Variants in MALT1 observed in about 807,000 individuals in gnomAD.
MALT1 encodes mucosa-associated lymphoid tissue lymphoma translocation protein 1.
Under a neutral mutation model 85.5 loss-of-function variants are expected in MALT1, and 36 were observed. The observed-to-expected ratio is 0.42, with a 90% CI of 0.32 to 0.56. MALT1 has a LOEUF of 0.56. Among genes scored for constraint, MALT1 ranks in the 20% least tolerant of loss-of-function variants. MALT1 has a pLI of 0.10. For synonymous variants in MALT1, 359 were observed against 361.3 expected (o/e 0.99, Z 0.07); for missense variants, 716 against 981.6 (o/e 0.73, Z 3.62).
intron 1 of MALT1, among the ~76,000 whole-genome samples, chr18:58,674,749 A>C (rs2054215967): frequency 6.6e-6 from 1 of 152,124 alleles, no homozygotes; most frequent in Non-Finnish European, 1.5e-5. Flanking sequence ...TTATAGTGTG[A>C]GTGTCTAGTC....
In MALT1 at chr18:58,720,016, G is replaced by A. The variant is rs1252121968; in HGVS notation, c.1019-3032G>A. ...ACATGGGATTAATGATATAACACCA[G>A]TTTTTGAAGAATATATTACATTAAA... On this transcript the variant is annotated intron_variant, in intron 9 of 16. Coordinates refer to ENST00000649217, the MANE Select transcript of MALT1 (RefSeq NM_006785.4). 2.0e-5 allele frequency among the ~76,000 whole-genome samples: 3 copies of A among 152,170 alleles called. No individual in the cohort carries two copies. The South Asian group carries it at 6.2e-4, about 32-fold the overall frequency.
intron 2 of MALT1, among the ~76,000 whole-genome samples, chr18:58,693,080 G>A (rs1418365799): frequency 1.3e-5 from 2 of 152,226 alleles, no homozygotes; most frequent in Non-Finnish European, 2.9e-5. Context: ...GAAGCAGCAA[G>A]TACTAGTGGA....
chr18:58,710,041 T>C lies in MALT1; in HGVS notation c.894T>C (p.Ser298=). 6.2e-7 allele frequency: 1 copy of C among 1,611,970 alleles called. No homozygotes were observed. ...YWCHVYNDRD[S]QDSKKVEIII... ...GTCATGTATATAATGATCGAGACAG[T>C]CAAGATAGCAAGAAGGTAGAAATCA... The change falls in exon 6 of 17, where the codon AGT becomes AGC. Residue 298 remains serine (S), a synonymous_variant. Coordinates refer to ENST00000649217, the MANE Select transcript of MALT1 (RefSeq NM_006785.4).
chr18:58,671,490 C>A lies in MALT1; in HGVS notation c.-154C>A, dbSNP rs2054157064. The A allele has an allele frequency of 2.3e-6, 1 of 439,688 alleles. No homozygotes were observed. Among genetic ancestry groups the A allele is most frequent in the Non-Finnish European group, 3.7e-6 (1 of 273,596 alleles). The allele number at this position is 439,688 out of a possible 1,614,324, so 27.2% of individuals were successfully genotyped here. A position where few individuals can be genotyped will look rare whatever the true frequency, so the allele number is the denominator to read the frequency against. ...AAACCTGTCTAATTGGGGCGGGGAG[C>A]GGAGCTTCCTCCTCTGAGGGCCGTG... On this transcript the variant is annotated 5_prime_UTR_variant, in exon 1 of 17. Transcript: ENST00000649217.
At chr18:58,733,803 A>G (rs1315033154) in intron 11 of MALT1, 14 of 908,370 alleles carry the variant, frequency 1.5e-5, no homozygotes, top group Non-Finnish European at 2.1e-5. Context: ...GGGCATGGGC[A>G]TTTACTCACA....
At chr18:58,681,593 A>G (rs932266389) in intron 2 of MALT1, among the ~76,000 whole-genome samples, 1 of 152,228 alleles carries the variant, frequency 6.6e-6, no homozygotes, top group Non-Finnish European at 1.5e-5. Flanking sequence ...TATATTAAGT[A>G]ATTATCATAT....
At chr18:58,702,721 A>C (rs1383821665) in intron 4 of MALT1, among the ~76,000 whole-genome samples, 1 of 152,206 alleles carries the variant, frequency 6.6e-6, no homozygotes, top group Non-Finnish European at 1.5e-5. Context: ...TTGTGGAAAA[A>C]AACTCTAGCG....
intron 4 of MALT1, among the ~76,000 whole-genome samples, chr18:58,701,181 TAGAC>T (rs941168225): frequency 2.0e-5 from 3 of 152,184 alleles, no homozygotes; most frequent in Non-Finnish European, 4.4e-5. Flanking sequence ...TAGGATGACA[TAGAC>T]AGGCCTCAGT....
At chr18:58,680,779 C>T (rs112436516) in intron 1 of MALT1, among the ~76,000 whole-genome samples, 2,758 of 151,624 alleles carry the variant, frequency 0.018, 41 homozygotes, top group South Asian at 0.032. Flanking sequence ...AAAAATTAGC[C>T]GGGCGCGGTG....
At chr18:58,686,098 G>C (rs919534334) in intron 2 of MALT1, among the ~76,000 whole-genome samples, 1 of 152,060 alleles carries the variant, frequency 6.6e-6, no homozygotes, top group African/African-American at 2.4e-5. Flanking sequence ...CGCGATCTTG[G>C]CTCACTGCAA....
At chr18:58,736,182 A>G (rs1568152515) in intron 13 of MALT1, among the ~76,000 whole-genome samples, 2 of 152,196 alleles carry the variant, frequency 1.3e-5, no homozygotes, top group Non-Finnish European at 2.9e-5. Context: ...CCACTAGAAA[A>G]TGGAGTTTCA....
intron 2 of MALT1, chr18:58,692,109 T>C (rs1026592509): frequency 1.4e-5 from 2 of 147,730 alleles, no homozygotes; most frequent in Non-Finnish European, 3.0e-5. Context: ...TGGTTTCCAG[T>C]GGGAGACATC....
At chr18:58,708,625 AG>A (rs2054790621) in intron 4 of MALT1, among the ~76,000 whole-genome samples, 1 of 152,202 alleles carries the variant, frequency 6.6e-6, no homozygotes, top group African/African-American at 2.4e-5. Flanking sequence ...AGCCCCGGTA[AG>A]GTGTCCATGT....
rs1362994676 is a variant in MALT1, at chr18:58,741,872, T to A, written c.1611T>A (p.Gly537=). The A allele has an allele frequency of 6.6e-7, 1 of 1,505,388 alleles. No homozygotes were observed. Among genetic ancestry groups the A allele is most frequent in the East Asian group, 2.3e-5 (1 of 43,642 alleles). 93.3% of individuals were successfully genotyped at this position (1,505,388 alleles called of 1,614,324 possible). A position where few individuals can be genotyped will look rare whatever the true frequency, so the allele number is the denominator to read the frequency against. ...VLLDEVAEDM[G]KCHLTKGKQA... ...TATTTTCATATCTTTTAGATATGGG[T>A]AAGTGTCACCTTACCAAAGGCAAAC... Residue 537 remains glycine (G), a synonymous_variant, in exon 14 of 17, where the codon GGT becomes GGA. Transcript: ENST00000649217.
rs2055400113 is a variant in MALT1 at position 58,748,329 on chromosome 18, C to G, written c.*487C>G. ...ATTTTTTCCACTACACAACTGCCTT[C>G]CTGACAGGTTCTGAGATAAGTGTTA... On this transcript the variant is annotated 3_prime_UTR_variant, in exon 17 of 17. Transcript: ENST00000649217. 5.0e-6 allele frequency: 1 copy of G among 201,256 alleles called. No homozygotes were observed. Among genetic ancestry groups the G allele is most frequent in the African/African-American group, 2.3e-5 (1 of 43,522 alleles). The allele number at this position is 201,256 out of a possible 1,614,324, so 12.5% of individuals were successfully genotyped here.
chr18:58,711,735 G>C (rs2054833575), intron 7 of MALT1, among the ~76,000 whole-genome samples: 2 of 152,122 alleles, frequency 1.3e-5, no homozygotes, highest in African/African-American at 2.4e-5. Flanking sequence ...CTTGGGTAAA[G>C]TAAGGAAATA....
At chr18:58,686,028 G>A (rs958785172) in intron 2 of MALT1, among the ~76,000 whole-genome samples, 1 of 151,340 alleles carries the variant, frequency 6.6e-6, no homozygotes, top group African/African-American at 2.4e-5. Flanking sequence ...TTCTTTTGTT[G>A]TTGTTGTTGT....
Position 58,709,561 on chromosome 18 carries a change from G to A in MALT1, c.828+5G>A. 2 of 1,586,670 alleles carry A rather than the reference G, an allele frequency of 1.3e-6. No individual in the cohort carries two copies. Among genetic ancestry groups the A allele is most frequent in the Non-Finnish European group, 1.7e-6 (2 of 1,168,554 alleles). On this transcript the variant is annotated splice_donor_5th_base_variant and intron_variant, in intron 5 of 16. Coordinates refer to ENST00000649217, the MANE Select transcript of MALT1 (RefSeq NM_006785.4). ...GAGACCAAAAAGCTATACATGGTAG[G>A]AAGTTGATTTTGGGGTCTTTTGGGG... is the stretch of plus-strand genomic sequence containing the variant.
intron 2 of MALT1, among the ~76,000 whole-genome samples, chr18:58,687,507 A>G (rs1170881608): frequency 6.6e-6 from 1 of 152,182 alleles, no homozygotes; most frequent in African/African-American, 2.4e-5. Flanking sequence ...AGGAAGAGGA[A>G]TGATATTTAT....
Sources: allele counts gnomAD v4.1 joint callset (sites outside exome capture counted in the v4.1 genomes callset), GRCh38; gene constraint gnomAD v4.1.1; transcripts MANE v1.5; gene names NCBI Gene and HGNC (gene_info 2026-07-23, HGNC 2026-07-21).